Variants in RORA observed in about 807,000 individuals in gnomAD.
RORA encodes the protein RAR related orphan receptor A.
Under a neutral mutation model 69.5 loss-of-function variants are expected in RORA, and 7 were observed. The observed-to-expected ratio is 0.10, with a 90% confidence interval of 0.06 to 0.19. The LOEUF (loss-of-function observed/expected upper bound fraction) is 0.19. Ranked by LOEUF, RORA falls within the 10% of genes least tolerant of loss-of-function variation. The pLI is 1.00. For missense variants in RORA, 457 were observed against 663.0 expected (o/e 0.69, Z 3.41); for synonymous variants, 261 against 240.8 (o/e 1.08, Z -0.78).
intron 1 of RORA, among the ~76,000 whole-genome samples, chr15:61,208,599 G>A (rs1455923235): frequency 2.0e-5 from 3 of 152,164 alleles, no homozygotes; most frequent in African/African-American, 7.2e-5. Flanking sequence ...GAATAAAGAA[G>A]TATATTCTTT....
intron 2 of RORA, among the ~76,000 whole-genome samples, chr15:60,656,856 C>G (rs2070229045): frequency 6.6e-6 from 1 of 152,180 alleles, no homozygotes; most frequent in Non-Finnish European, 1.5e-5. Context: ...TGGTGGCTTG[C>G]TCTAAGATAA....
chr15:60,679,863 G>A (rs2070616052), intron 1 of RORA, among the ~76,000 whole-genome samples: 1 of 152,090 alleles, frequency 6.6e-6, no homozygotes, highest in African/African-American at 2.4e-5. Context: ...AAATTACATA[G>A]CCCAACTCAA....
intron 1 of RORA, among the ~76,000 whole-genome samples, chr15:60,942,885 A>G (rs183806340): frequency 7.2e-4 from 109 of 152,352 alleles, no homozygotes; most frequent in African/African-American, 2.5e-3. Context: ...ATTCTGGAAC[A>G]AATAAAGCTA....
At chr15:61,175,065 G>T (rs2079616106) in intron 1 of RORA, among the ~76,000 whole-genome samples, 1 of 152,148 alleles carries the variant, frequency 6.6e-6, no homozygotes, top group South Asian at 2.1e-4. Flanking sequence ...CATCAAAATA[G>T]AAGTGAAAGA....
At chr15:61,053,850 T>TAG in intron 1 of RORA, among the ~76,000 whole-genome samples, 1 of 133,946 alleles carries the variant, frequency 7.5e-6, no homozygotes, top group Non-Finnish European at 1.6e-5. Context: ...GACTTCATGA[T>TAG]ATATATATAT....
chr15:61,045,106 C>G (rs556078422), intron 1 of RORA, among the ~76,000 whole-genome samples: 2 of 152,324 alleles, frequency 1.3e-5, no homozygotes, highest in Non-Finnish European at 2.9e-5. Context: ...CCACCCACAT[C>G]TCATCTTGAA....
intron 2 of RORA, among the ~76,000 whole-genome samples, chr15:60,586,071 T>C (rs527363167): frequency 6.6e-6 from 1 of 152,344 alleles, no homozygotes; most frequent in East Asian, 1.9e-4. Flanking sequence ...TCTTTGATTT[T>C]CCTGGATACT....
At chr15:60,825,075 T>C (rs938251191) in intron 1 of RORA, among the ~76,000 whole-genome samples, 4 of 152,198 alleles carry the variant, frequency 2.6e-5, no homozygotes, top group Admixed American at 1.3e-4. Flanking sequence ...GAGAAAAGTA[T>C]AGGGTTCATC....
intron 1 of RORA, among the ~76,000 whole-genome samples, chr15:61,101,905 A>G (rs1474422303): frequency 3.3e-5 from 5 of 152,122 alleles, no homozygotes; most frequent in African/African-American, 1.2e-4. Flanking sequence ...GATAGAATCC[A>G]TATGAGACAG....
chr15:60,960,566 C>T (rs1893389005), intron 1 of RORA, among the ~76,000 whole-genome samples: 2 of 152,128 alleles, frequency 1.3e-5, no homozygotes, highest in South Asian at 2.1e-4. Flanking sequence ...GTTACACGAT[C>T]AGGAGAGATG....
At position 61,126,393 on chromosome 15, in the gene RORA, A is replaced by C. The variant is rs78086181; in HGVS notation, c.166+102660T>G. On this transcript the variant is annotated intron_variant, in intron 1 of 10. Transcript: ENST00000335670. The stretch of plus-strand genomic sequence containing the variant: ...GAGAACATTTAAAATCTACTGTCTT[A>C]GCAATTTTCAAGTTTATAATAAATT... Among the ~76,000 whole-genome samples the C allele has an allele frequency of 5.7e-3, 864 of 152,354 alleles. 13 individuals carry two copies. The highest frequency in any genetic ancestry group is 0.02 in the African/African-American group (821 of 41,580).
chr15:60,829,443 G>A (rs960999771), intron 1 of RORA, among the ~76,000 whole-genome samples: 3 of 152,024 alleles, frequency 2.0e-5, no homozygotes, highest in Non-Finnish European at 2.9e-5. Context: ...ACATGGGCCC[G>A]ATTCTGCCAA....
intron 2 of RORA, among the ~76,000 whole-genome samples, chr15:60,541,788 G>C (rs8027050): frequency 3.3e-5 from 5 of 152,308 alleles, no homozygotes; most frequent in East Asian, 3.9e-4. Context: ...TGTATAGCCT[G>C]TGTATTTATC....
At chr15:60,756,033 C>T (rs1595689087) in intron 1 of RORA, among the ~76,000 whole-genome samples, 1 of 152,182 alleles carries the variant, frequency 6.6e-6, no homozygotes, top group Non-Finnish European at 1.5e-5. Flanking sequence ...CTTATCATCC[C>T]TCAATATCTC....
At chr15:61,126,164 C>G (rs900652625) in intron 1 of RORA, among the ~76,000 whole-genome samples, 2 of 152,290 alleles carry the variant, frequency 1.3e-5, no homozygotes, top group South Asian at 4.1e-4. Context: ...CATAGAGTCT[C>G]CACACCCTAA....
intron 1 of RORA, among the ~76,000 whole-genome samples, chr15:60,851,477 CAGGGTGCT>C (rs2073323986): frequency 6.6e-6 from 1 of 152,126 alleles, no homozygotes; most frequent in South Asian, 2.1e-4. Flanking sequence ...TGTGAGGTCC[CAGGGTGCT>C]GGGGTGTTCT....
At chr15:60,899,275 T>C (rs1891318836) in intron 1 of RORA, among the ~76,000 whole-genome samples, 1 of 152,196 alleles carries the variant, frequency 6.6e-6, no homozygotes, top group South Asian at 2.1e-4. Flanking sequence ...ATGAAGAGCA[T>C]GGAACTCTGC....
At chr15:61,072,118 G>C (rs2078375916) in intron 1 of RORA, among the ~76,000 whole-genome samples, 1 of 152,182 alleles carries the variant, frequency 6.6e-6, no homozygotes, top group Non-Finnish European at 1.5e-5. Flanking sequence ...ACTACAGTAT[G>C]TGTTTACAAG....
chr15:60,528,238 A>T (rs1293471749), intron 3 of RORA: 2 of 151,706 alleles, frequency 1.3e-5, no homozygotes, highest in African/African-American at 4.9e-5. Context: ...TTTATTTTTA[A>T]TTTTTTTGTA....
Sources: allele counts gnomAD v4.1 joint callset (sites outside exome capture counted in the v4.1 genomes callset), GRCh38; gene constraint gnomAD v4.1.1; transcripts MANE v1.5; gene names NCBI Gene and HGNC (gene_info 2026-07-23, HGNC 2026-07-21).